Variants in GNA12 observed in about 807,000 individuals in gnomAD.
GNA12 encodes G protein subunit alpha 12.
Under a neutral mutation model 26.0 loss-of-function variants are expected in GNA12, and 9 were observed. That is an observed-to-expected ratio of 0.35 (90% CI 0.21 to 0.60). The LOEUF is 0.60. Among genes scored for constraint, GNA12 ranks in the 20% least tolerant of loss-of-function variants. The probability of loss-of-function intolerance (pLI) is 0.78; values close to 1 mark genes in which losing one functional copy is unlikely to be tolerated. For missense variants in GNA12, 405 were observed against 525.8 expected (o/e 0.77, Z 2.25); for synonymous variants, 264 against 219.6 (o/e 1.20, Z -1.79).
intron 2 of GNA12, among the ~76,000 whole-genome samples, chr7:2,744,693 AG>A (rs1366232420): frequency 6.6e-6 from 1 of 152,242 alleles, no homozygotes; most frequent in Non-Finnish European, 1.5e-5. Context: ...AGTTGAGAAA[AG>A]AAGGCTTCAG....
chr7:2,774,517 G>A (rs112507259), intron 2 of GNA12, among the ~76,000 whole-genome samples: 2,893 of 152,306 alleles, frequency 0.019, 50 homozygotes, highest in Non-Finnish European at 0.031. Flanking sequence ...GGAGCAGCAG[G>A]AAGGCCAGTG....
chr7:2,735,324 G>C (rs2115299665), intron 2 of GNA12, among the ~76,000 whole-genome samples: 1 of 152,220 alleles, frequency 6.6e-6, no homozygotes, highest in Non-Finnish European at 1.5e-5. Context: ...TTCTAGGCAG[G>C]TGGTGGCACC....
chr7:2,770,191 A>G (rs1489329890), intron 2 of GNA12, among the ~76,000 whole-genome samples: 1 of 152,236 alleles, frequency 6.6e-6, no homozygotes, highest in African/African-American at 2.4e-5. Flanking sequence ...GCCATAATAT[A>G]CTATAAACAG....
At chr7:2,808,963 C>T (rs1793014182) in intron 1 of GNA12, among the ~76,000 whole-genome samples, 1 of 152,194 alleles carries the variant, frequency 6.6e-6, no homozygotes, top group Non-Finnish European at 1.5e-5. Flanking sequence ...CCCTTTGCCC[C>T]GGATAGCCGC....
chr7:2,746,373 A>G (rs1159995489), intron 2 of GNA12, among the ~76,000 whole-genome samples: 2 of 152,060 alleles, frequency 1.3e-5, no homozygotes, highest in Non-Finnish European at 2.9e-5. Context: ...AGAAATCAAA[A>G]CCGCTCAACT....
intron 1 of GNA12, among the ~76,000 whole-genome samples, chr7:2,826,956 C>A (rs982311665): frequency 1.3e-5 from 2 of 152,210 alleles, no homozygotes; most frequent in African/African-American, 4.8e-5. Flanking sequence ...TATTCATATT[C>A]ACTCACAACT....
intron 2 of GNA12, among the ~76,000 whole-genome samples, chr7:2,771,666 A>C (rs572353683): frequency 9.2e-5 from 14 of 152,232 alleles, no homozygotes; most frequent in Admixed American, 7.9e-4. Flanking sequence ...ATCCCCACAG[A>C]AGGGTGCACC....
intron 2 of GNA12, among the ~76,000 whole-genome samples, chr7:2,766,668 G>A (rs990151591): frequency 6.6e-6 from 1 of 152,154 alleles, no homozygotes; most frequent in East Asian, 1.9e-4. Flanking sequence ...TTACAGGTGT[G>A]AGCCACCGCA....
rs56015616 is a variant in GNA12 at position 2,769,017 on chromosome 7, C to A, written c.525+25911G>T. Reference sequence around the variant, plus strand: ...CTCCTGGGTTCAAGCAGTTCTCCTGCCTCAGCCTCCTGAGTAGCTGGGATT... The same window carrying A: ...CTCCTGGGTTCAAGCAGTTCTCCTGACTCAGCCTCCTGAGTAGCTGGGATT... On this transcript the variant is annotated intron_variant, in intron 2 of 3. Coordinates refer to ENST00000275364, the MANE Select transcript of GNA12 (RefSeq NM_007353.3). Among the ~76,000 whole-genome samples, 1,216 of 152,326 alleles carry A rather than the reference C, an allele frequency of 8.0e-3. 10 individuals are homozygous for A. The highest frequency in any genetic ancestry group is 0.012 in the Non-Finnish European group (837 of 68,022).
chr7:2,832,674 A>G (rs1370097556), intron 1 of GNA12, among the ~76,000 whole-genome samples: 1 of 152,210 alleles, frequency 6.6e-6, no homozygotes, highest in Non-Finnish European at 1.5e-5. Context: ...TAACAGGGCC[A>G]TGTGACAAAG....
At chr7:2,770,485 G>C (rs959728878) in intron 2 of GNA12, among the ~76,000 whole-genome samples, 1 of 152,124 alleles carries the variant, frequency 6.6e-6, no homozygotes, top group Non-Finnish European at 1.5e-5. Flanking sequence ...GCTAGGCGTG[G>C]TGGTGCACAC....
At chr7:2,734,158 T>G (rs948864355) in intron 2 of GNA12, among the ~76,000 whole-genome samples, 1 of 152,082 alleles carries the variant, frequency 6.6e-6, no homozygotes, top group Non-Finnish European at 1.5e-5. Flanking sequence ...CGAAGGGCCC[T>G]GCGGAATCAC....
intron 1 of GNA12, among the ~76,000 whole-genome samples, chr7:2,800,712 TG>T (rs1792788321): frequency 6.6e-6 from 1 of 151,930 alleles, no homozygotes; most frequent in Non-Finnish European, 1.5e-5. Context: ...TAACTGGAGG[TG>T]GGCCTCAGAC....
At chr7:2,835,608 C>T in intron 1 of GNA12, 1 of 680,096 alleles carries the variant, frequency 1.5e-6, no homozygotes, top group South Asian at 1.6e-5. Flanking sequence ...TCATGCTGTT[C>T]TCCAGTCCCG....
In GNA12 at chr7:2,844,305, C is replaced by A. The variant is rs941509080; in HGVS notation, c.-144G>T. 2.4e-5 allele frequency: 6 copies of A among 254,856 alleles called. No homozygotes were observed. Among genetic ancestry groups the A allele is most frequent in the Admixed American group, 6.6e-5 (1 of 15,136 alleles). 15.8% of individuals were successfully genotyped at this position (254,856 alleles called of 1,614,324 possible). On this transcript the variant is annotated 5_prime_UTR_variant, in exon 1 of 4. Transcript: ENST00000275364. ...TCCGCCGCCGCCGCTGCAGTCGCTC[C>A]GAGGCCCGCACTCGTCGCCCGGCCG...
Position 2,794,969 on chromosome 7 carries a change from C to T in GNA12, c.484G>A (p.Gly162Ser). 1 of 1,614,216 alleles carries T rather than the reference C, an allele frequency of 6.2e-7. No homozygotes were observed. Among genetic ancestry groups the T allele is most frequent in the South Asian group, 1.1e-5 (1 of 91,084 alleles). The part of the protein sequence containing the change: ...PALSALWRDS[G>S]IREAFSRRSE... ...CTCCGGCTGAAAGCCTCCCTGATGCCAGAATCCCTCCAGAGTGCGCTCAGG... is the reference window on the plus strand; with the variant it reads ...CTCCGGCTGAAAGCCTCCCTGATGCTAGAATCCCTCCAGAGTGCGCTCAGG... The change falls in exon 2 of 4, where the codon GGC (glycine) becomes AGC (serine). Residue 162 changes from glycine (G) to serine (S), a missense_variant. Coordinates refer to ENST00000275364, the MANE Select transcript of GNA12 (RefSeq NM_007353.3).
chr7:2,737,938 A>G (rs1251200298), intron 2 of GNA12, among the ~76,000 whole-genome samples: 1 of 152,144 alleles, frequency 6.6e-6, no homozygotes, highest in East Asian at 1.9e-4. Context: ...CTCATTTTGA[A>G]CTCAGGCTTT....
At chr7:2,843,745 T>A in intron 1 of GNA12, 108 bp downstream of exon 1, 1 of 484,852 alleles carries the variant, frequency 2.1e-6, no homozygotes, top group Non-Finnish European at 3.5e-6. Context: ...TCCAGCATCC[T>A]CGCCCCAGGG....
intron 2 of GNA12, among the ~76,000 whole-genome samples, chr7:2,777,606 T>C (rs919440589): frequency 6.6e-6 from 1 of 152,026 alleles, no homozygotes; most frequent in Non-Finnish European, 1.5e-5. Context: ...TCAGAGCTTC[T>C]CTCTCTCTCC....
Sources: allele counts gnomAD v4.1 joint callset (sites outside exome capture counted in the v4.1 genomes callset), GRCh38; gene constraint gnomAD v4.1.1; transcripts MANE v1.5; gene names NCBI Gene and HGNC (gene_info 2026-07-23, HGNC 2026-07-21).